Variants in PTPRU observed in about 807,000 individuals in gnomAD.
The protein encoded by PTPRU is protein tyrosine phosphatase receptor type U, also known as receptor-type tyrosine-protein phosphatase U.
A neutral mutation model predicts 166.3 loss-of-function variants in PTPRU; 69 were observed. The observed-to-expected ratio is 0.41, with a 90% confidence interval of 0.34 to 0.51. The LOEUF is 0.51. Among genes scored for constraint, PTPRU ranks in the 20% least tolerant of loss-of-function variants. The pLI is 0.09. For missense variants in PTPRU, 1,657 were observed against 2,013.7 expected, an observed-to-expected ratio of 0.82 and a Z score of 3.39; for synonymous variants, 793 against 814.0, an observed-to-expected ratio of 0.97 and a Z score of 0.44.
At chr1:29,284,685 G>A in intron 13 of PTPRU, 46 bp from the exon 14 acceptor site, 1 of 1,613,796 alleles carries the variant, frequency 6.2e-7, no homozygotes, top group Non-Finnish European at 8.5e-7. Flanking sequence ...GGGCTCGATG[G>A]TCCCTGTCTT....
At chr1:29,308,725 T>TA (rs955617773) in intron 18 of PTPRU, among the ~76,000 whole-genome samples, 1 of 152,134 alleles carries the variant, frequency 6.6e-6, no homozygotes, top group African/African-American at 2.4e-5. Context: ...CTTTTTCTTT[T>TA]AAAAAATATA....
chr1:29,260,725 T>C lies in PTPRU; in HGVS notation c.966T>C (p.Ile322=). ...ACGGGCCGATCGTGCGCAAGGAGAT[T>C]GAGTACCGCATGGCGCGCGGGCCCT... The part of the protein sequence containing the change: ...IGDGPIVRKE[I]EYRMARGPWA... Residue 322 remains isoleucine, a synonymous_variant, in exon 7 of 30, where the codon ATT becomes ATC. Coordinates refer to ENST00000373779, the MANE Select transcript of PTPRU (RefSeq NM_133178.4). This position sits in a 1 kb window ranked among gnomAD's most constrained non-coding sequence, Gnocchi z 8.3. 1 of 1,607,670 alleles carries C rather than the reference T, an allele frequency of 6.2e-7. No homozygotes were observed. The highest frequency in any genetic ancestry group is 8.5e-7 in the Non-Finnish European group (1 of 1,177,016).
At chr1:29,288,104 C>T (rs1338082578) in intron 14 of PTPRU, among the ~76,000 whole-genome samples, 2 of 152,162 alleles carry the variant, frequency 1.3e-5, no homozygotes, top group African/African-American at 4.8e-5. Context: ...CCTACCTGAG[C>T]CACCATGCCC....
chr1:29,308,284 C>CTTTT (rs567805935), intron 18 of PTPRU, among the ~76,000 whole-genome samples: 3 of 136,168 alleles, frequency 2.2e-5, no homozygotes, highest in South Asian at 2.4e-4. Flanking sequence ...TAATTTTTTC[C>CTTTT]TTTTTTTTTT....
chr1:29,300,093 A>G (rs1158934893), intron 15 of PTPRU, among the ~76,000 whole-genome samples: 1 of 152,202 alleles, frequency 6.6e-6, no homozygotes, highest in Non-Finnish European at 1.5e-5. Context: ...TTTAATATTT[A>G]CATCATCATA....
rs1686221277 is a variant in PTPRU, at chr1:29,283,951, G to A, written c.2154G>A (p.Leu718=). Residue 718 remains leucine, a synonymous_variant, in exon 13 of 30, where the codon CTG becomes CTA. Transcript: ENST00000373779. ...AASHLKGETR[L]NCIRIARKAA... is the part of the protein sequence containing the mutation. ...ATCTGTGCCTCCAGGAGACCCGGCT[G>A]AATTGCATCCGCATTGCCAGGAAAG... The A allele has an allele frequency of 6.2e-7, 1 of 1,613,856 alleles. No individual in the cohort carries two copies. Among genetic ancestry groups the A allele is most frequent in the African/African-American group, 1.3e-5 (1 of 74,942 alleles).
rs191280518 is a variant in PTPRU at position 29,318,681 on chromosome 1, C to T, written c.3687+760C>T. Among the ~76,000 whole-genome samples the T allele has an allele frequency of 1.0e-3, 157 of 152,336 alleles. 1 individual carries two copies. The highest frequency in any genetic ancestry group is 3.2e-3 in the African/African-American group (132 of 41,578). On this transcript the variant is annotated intron_variant, in intron 25 of 29. Coordinates refer to ENST00000373779, the MANE Select transcript of PTPRU (RefSeq NM_133178.4). ...GGTGGGCCGCTCCTTCACCCCTCCC[C>T]GATATAGCCGTGCAACCGCAGGCCA... is the stretch of plus-strand genomic sequence containing the variant.
chr1:29,304,975 G>A lies in PTPRU; in HGVS notation c.2743+126G>A, dbSNP rs1687320340. The stretch of plus-strand genomic sequence containing the variant: ...GTAGCATTGGCCACCTTTTATTGAG[G>A]GCCTACCACACGTCACGCCCTGTGC... On this transcript the variant is annotated intron_variant, in intron 17 of 29. Transcript: ENST00000373779. The A allele has an allele frequency of 3.2e-5, 25 of 777,792 alleles. 1 individual carries two copies. The highest frequency in any genetic ancestry group is 2.9e-4 in the South Asian group (15 of 51,804). The allele number at this position is 777,792 out of a possible 1,614,324, so 48.2% of individuals were successfully genotyped here. A position where few individuals can be genotyped will look rare whatever the true frequency, so the allele number is the denominator to read the frequency against.
At chr1:29,305,275 C>A in intron 17 of PTPRU, 77 bp from the exon 18 acceptor site, 2 of 1,416,562 alleles carry the variant, frequency 1.4e-6, no homozygotes, top group Non-Finnish European at 2.0e-6. Context: ...TATCCCCTAG[C>A]CTCCAGGAAT....
rs1687649607 is a variant in PTPRU at position 29,311,420 on chromosome 1, G to T, written c.2858-36G>T. The stretch of plus-strand genomic sequence containing the variant: ...TGTGCTGACCTGGGGTGGAGACCTT[G>T]TCTCAGGGACAGGCACCCTCTGCCT... On this transcript the variant is annotated intron_variant, in intron 19 of 29. Coordinates refer to ENST00000373779, the MANE Select transcript of PTPRU (RefSeq NM_133178.4). The surrounding 1 kb of genome is among the most constrained non-coding windows in gnomAD (Gnocchi z 4.1). 2.6e-5 allele frequency: 42 copies of T among 1,606,682 alleles called. No homozygotes were observed. The highest frequency in any genetic ancestry group is 3.4e-5 in the Non-Finnish European group (40 of 1,174,658).
intron 8 of PTPRU, among the ~76,000 whole-genome samples, chr1:29,277,247 C>T (rs373654777): frequency 6.6e-6 from 1 of 152,086 alleles, no homozygotes; most frequent in Non-Finnish European, 1.5e-5. Context: ...ATTTCAGGTG[C>T]CCGCCACCAC....
chr1:29,278,741 A>T (rs1685925601), intron 8 of PTPRU, among the ~76,000 whole-genome samples: 1 of 152,244 alleles, frequency 6.6e-6, no homozygotes, highest in Non-Finnish European at 1.5e-5. Flanking sequence ...ACAGTAATGA[A>T]AATGCCAGCT....
At chr1:29,301,551 A>G (rs1284566570) in intron 15 of PTPRU, among the ~76,000 whole-genome samples, 8 of 152,206 alleles carry the variant, frequency 5.3e-5, no homozygotes, top group Admixed American at 2.0e-4. Context: ...CAGGTCCTTC[A>G]GGAAGTGTCC....
Position 29,317,739 on chromosome 1 carries a change from T to C in PTPRU, c.3514-9T>C, listed in dbSNP as rs769652589. Reference sequence around the variant, plus strand: ...CGTAACTCTCTGTCCCCACCCCCGCTCCCTGTAGACGCTGAACTCGGTCAC... The same window carrying C: ...CGTAACTCTCTGTCCCCACCCCCGCCCCCTGTAGACGCTGAACTCGGTCAC... On this transcript the variant is annotated splice_polypyrimidine_tract_variant and intron_variant, in intron 24 of 29. Coordinates refer to ENST00000373779, the MANE Select transcript of PTPRU (RefSeq NM_133178.4). The surrounding 1 kb of genome is among the most constrained non-coding windows in gnomAD (Gnocchi z 5.6). The C allele has an allele frequency of 1.2e-6, 2 of 1,602,760 alleles. No homozygotes were observed. The highest frequency in any genetic ancestry group is 1.7e-6 in the Non-Finnish European group (2 of 1,177,346).
Position 29,317,837 on chromosome 1 carries a change from C to A in PTPRU, c.3603C>A (p.Asp1201Glu), listed in dbSNP as rs756132230. 1.2e-6 allele frequency: 2 copies of A among 1,613,778 alleles called. No individual in the cohort carries two copies. The highest frequency in any genetic ancestry group is 1.3e-5 in the African/African-American group (1 of 74,936). ...ACCGCGACAAGAACCGCAGCATGGACGTCCTGCCGCCCGACCGCTGCCTGC... is the reference window on the plus strand; with the variant it reads ...ACCGCGACAAGAACCGCAGCATGGAAGTCCTGCCGCCCGACCGCTGCCTGC... ...PRNRDKNRSM[D>E]VLPPDRCLPF... The change falls in exon 25 of 30, where the codon GAC becomes GAA. Residue 1201 changes from aspartate (D) to glutamate (E), a missense_variant. Asp to Glu is a conservative substitution (Grantham distance 45, BLOSUM62 2). This residue lies in a region of PTPRU where 1,190 missense variants were observed against 1,477.4 expected (regional missense o/e 0.81). Coordinates refer to ENST00000373779, the MANE Select transcript of PTPRU (RefSeq NM_133178.4). The surrounding 1 kb of genome is among the most constrained non-coding windows in gnomAD (Gnocchi z 5.6).
chr1:29,320,365 GGA>G lies in PTPRU; in HGVS notation c.3688-318_3688-317del, dbSNP rs1688098150. The G allele has an allele frequency of 3.6e-6, 1 of 278,214 alleles. No individual in the cohort carries two copies. Among genetic ancestry groups the G allele is most frequent in the South Asian group, 1.6e-4 (1 of 6,116 alleles). The allele number at this position is 278,214 out of a possible 1,614,324, so 17.2% of individuals were successfully genotyped here. A position where few individuals can be genotyped will look rare whatever the true frequency, so the allele number is the denominator to read the frequency against. On this transcript the variant is annotated intron_variant, in intron 25 of 29. Coordinates refer to ENST00000373779, the MANE Select transcript of PTPRU (RefSeq NM_133178.4). This position sits in a 1 kb window ranked among gnomAD's most constrained non-coding sequence, Gnocchi z 5.2. ...GCCAAAATAGCAGATGCCGAAGCGC[GGA>G]GGCAGGGAGTAAGCTCGGCCAGCCT... is the stretch of plus-strand genomic sequence containing the variant.
At chr1:29,308,136 T>C (rs1158845870) in intron 18 of PTPRU, among the ~76,000 whole-genome samples, 1 of 152,056 alleles carries the variant, frequency 6.6e-6, no homozygotes, top group Non-Finnish European at 1.5e-5. Flanking sequence ...TTTTCTTTTT[T>C]TTTGAGACAG....
chr1:29,321,190 T>C (rs930409513), intron 26 of PTPRU, among the ~76,000 whole-genome samples: 6 of 147,500 alleles, frequency 4.1e-5, no homozygotes, highest in Non-Finnish European at 7.4e-5. Context: ...TCACCACAGC[T>C]GTCTGATTTT....
At chr1:29,254,595 G>A (rs1684692218) in intron 1 of PTPRU, among the ~76,000 whole-genome samples, 1 of 152,208 alleles carries the variant, frequency 6.6e-6, no homozygotes, top group Non-Finnish European at 1.5e-5. Context: ...GAAAAATAGT[G>A]GTGCCTGACT....
Sources: gnomAD v4.1 joint callset for allele counts (sites outside exome capture counted in the v4.1 genomes callset) on GRCh38, gnomAD v4.1.1 for gene constraint, gnomAD v4.1.1 regional missense constraint, Gnocchi (gnomAD v3.1) non-coding constraint, MANE v1.5 for transcripts, NCBI Gene and HGNC (gene_info 2026-07-23, HGNC 2026-07-21) for gene names.